Variants in GMPPB observed in about 807,000 individuals in gnomAD.
GMPPB encodes GDP-mannose pyrophosphorylase B.
GMPPB carries 38 observed loss-of-function variants against 40.3 expected under a neutral mutation model. The ratio of observed to expected loss-of-function variants is 0.94; its 90% CI spans 0.73 to 1.24. GMPPB has a LOEUF of 1.24. GMPPB is among the 50% of genes most tolerant of loss of function. GMPPB has a pLI of 0.00. For synonymous variants in GMPPB, 193 were observed against 191.8 expected (o/e 1.01, Z -0.05); for missense variants, 436 against 487.1 (o/e 0.90, Z 0.99).
At chr3:49,723,143 G>A in intron 3 of GMPPB, 29 bp from the exon 4 acceptor site, 1 of 1,613,470 alleles carries the variant, frequency 6.2e-7, no homozygotes. Context: ...TCACCACCTT[G>A]CTGGAGGTCT....
intron 6 of GMPPB, 32 bp downstream of exon 6, chr3:49,722,400 A>C (rs1281786902): frequency 6.2e-7 from 1 of 1,613,380 alleles, no homozygotes; most frequent in Non-Finnish European, 8.5e-7. Flanking sequence ...CCAGCCACAG[A>C]CCACCCCCAC....
rs770434747 is a variant in GMPPB at position 49,720,990 on chromosome 3, C to A, written c.*762G>T. The A allele has an allele frequency of 1.2e-6, 2 of 1,609,090 alleles. No individual in the cohort carries two copies. The highest frequency in any genetic ancestry group is 8.5e-7 in the Non-Finnish European group (1 of 1,176,116). On this transcript the variant is annotated 3_prime_UTR_variant, in exon 9 of 9. Transcript: ENST00000308388. ...CATCCACATAGCCAGGCATCCAACT[C>A]CAGCCCACCCTTCACTCTCCTCCCT...
At position 49,723,698 on chromosome 3, in the gene GMPPB, T is replaced by C. The variant is rs1254280503; in HGVS notation, c.29A>G (p.Tyr10Cys). 1.9e-6 allele frequency: 3 copies of C among 1,592,766 alleles called. No homozygotes were observed. The African/African-American group carries it at 4.0e-5, about 21-fold the overall frequency. Residue 10 changes from tyrosine to cysteine, a missense_variant, in exon 1 of 9, where the codon TAT becomes TGT. Transcript: ENST00000308388. MKALILVGG[Y>C]GTRLRPLTLS... ...CGTCAGCGGCCGTAGCCGCGTCCCA[T>C]AGCCCCCCACTAAGATCAGTGCCTT... is the stretch of plus-strand genomic sequence containing the variant.
At chr3:49,722,878 T>C (rs563660419) in intron 4 of GMPPB, 94 bp downstream of exon 4, 12 of 1,517,052 alleles carry the variant, frequency 7.9e-6, no homozygotes, top group Admixed American at 7.4e-5. Flanking sequence ...CAGCTCTGTA[T>C]CCATAACATC....
rs2080426368 is a variant in GMPPB at position 49,722,244 on chromosome 3, C to T, written c.755G>A (p.Gly252Asp). The change falls in exon 7 of 9, where the codon GGC becomes GAC. Residue 252 changes from glycine to aspartate, a missense_variant. By Grantham distance (94) the Gly-to-Asp change is moderately conservative. Transcript: ENST00000308388. ...ERLCSGPGIV[G>D]NVLVDPSARI... ...CAAGGGCCTCACCACCAGCACGTTG[C>T]CCACAATGCCAGGGCCTGAGCACAG... 6 of 1,613,388 alleles carry T rather than the reference C, an allele frequency of 3.7e-6. No homozygotes were observed. The East Asian group carries it at 1.3e-4, about 36-fold the overall frequency.
At chr3:49,721,940 C>T in intron 8 of GMPPB, 25 bp downstream of exon 8, 1 of 1,613,334 alleles carries the variant, frequency 6.2e-7, no homozygotes, top group Non-Finnish European at 8.5e-7. Context: ...CCCCTCTCCC[C>T]ACCCAGCCCA....
Position 49,720,405 on chromosome 3 carries a change from G to A in GMPPB, c.*1347C>T, listed in dbSNP as rs1030129981. On this transcript the variant is annotated 3_prime_UTR_variant, in exon 9 of 9. Transcript: ENST00000308388. ...AGCAGGGAGACGGAAAGGATGCAGGGGGGGTGATCATGTACGAGCCATGGC... is the reference window on the plus strand; with the variant it reads ...AGCAGGGAGACGGAAAGGATGCAGGAGGGGTGATCATGTACGAGCCATGGC... 19 of 1,158,964 alleles carry A rather than the reference G, an allele frequency of 1.6e-5. No homozygotes were observed. Among genetic ancestry groups the A allele is most frequent in the Non-Finnish European group, 2.2e-5 (19 of 857,016 alleles). 71.8% of individuals were successfully genotyped at this position (1,158,964 alleles called of 1,614,324 possible). A position where few individuals can be genotyped will look rare whatever the true frequency, so the allele number is the denominator to read the frequency against.
chr3:49,723,532 T>C, intron 1 of GMPPB, 60 bp from the exon 2 acceptor site: 17 of 1,611,190 alleles, frequency 1.1e-5, no homozygotes, highest in Non-Finnish European at 1.4e-5. Context: ...CCCTGACCCC[T>C]AGTCGCTGGC....
Position 49,721,476 on chromosome 3 carries a change from T to C in GMPPB, c.*276A>G, listed in dbSNP as rs1428263907. On this transcript the variant is annotated 3_prime_UTR_variant, in exon 9 of 9. Transcript: ENST00000308388. The stretch of plus-strand genomic sequence containing the variant: ...GCCCAGCCATGGCCCTAATTGTGCC[T>C]GAGCTTGACTTTCAGTCAGGGCCAC... 2 of 953,094 alleles carry C rather than the reference T, an allele frequency of 2.1e-6. No individual in the cohort carries two copies. Among genetic ancestry groups the C allele is most frequent in the East Asian group, 2.4e-5 (1 of 41,592 alleles). The allele number at this position is 953,094 out of a possible 1,614,324, so 59.0% of individuals were successfully genotyped here. A position where few individuals can be genotyped will look rare whatever the true frequency, so the allele number is the denominator to read the frequency against.
chr3:49,721,595 G>T lies in GMPPB; in HGVS notation c.*157C>A. 1.2e-6 allele frequency: 1 copy of T among 838,844 alleles called. No individual in the cohort carries two copies. Among genetic ancestry groups the T allele is most frequent in the Non-Finnish European group, 2.0e-6 (1 of 512,442 alleles). The allele number at this position is 838,844 out of a possible 1,614,324, so 52.0% of individuals were successfully genotyped here. On this transcript the variant is annotated 3_prime_UTR_variant, in exon 9 of 9. Transcript: ENST00000308388. ...GGTGTGCCCAGCAGGGATCCTGCCA[G>T]ATGATGTCCACATGAGAAGGCAGGT...
Position 49,720,903 on chromosome 3 carries a change from G to C in GMPPB, c.*849C>G, listed in dbSNP as rs369165447. The C allele has an allele frequency of 1.1e-5, 17 of 1,613,814 alleles. No individual in the cohort carries two copies. The African/African-American group carries it at 2.1e-4, about 20-fold the overall frequency. On this transcript the variant is annotated 3_prime_UTR_variant, in exon 9 of 9. Transcript: ENST00000308388. ...CAGCAGCTGCCTCCCTGGTGAGTGG[G>C]AACACGGTGCACAGGTCCATGCCAC...
rs748350135 is a variant in GMPPB, at chr3:49,723,591, G to T, written c.129+7C>A. 7.8e-5 allele frequency: 125 copies of T among 1,595,684 alleles called. No individual in the cohort carries two copies. Among genetic ancestry groups the T allele is most frequent in the Admixed American group, 1.9e-4 (11 of 58,620 alleles). On this transcript the variant is annotated splice_region_variant and intron_variant, in intron 1 of 8. Transcript: ENST00000308388. Reference sequence around the variant, plus strand: ...AACGCGACTCTGATCCCGACCCAGGGTCTTACCGCGGCTAGCGCCTCCACT... The same window carrying T: ...AACGCGACTCTGATCCCGACCCAGGTTCTTACCGCGGCTAGCGCCTCCACT...
chr3:49,723,244 C>T lies in GMPPB; in HGVS notation c.259+10G>A. 1.9e-6 allele frequency: 3 copies of T among 1,614,050 alleles called. No homozygotes were observed. Among genetic ancestry groups the T allele is most frequent in the Non-Finnish European group, 2.5e-6 (3 of 1,179,948 alleles). On this transcript the variant is annotated intron_variant, in intron 3 of 8. Transcript: ENST00000308388. Reference sequence around the variant, plus strand: ...ACCCTCCCCCAAGGGACCTTTCTGCCTCTACTGACCTGTCCCCAAAGGCTC... The same window carrying T: ...ACCCTCCCCCAAGGGACCTTTCTGCTTCTACTGACCTGTCCCCAAAGGCTC...
Position 49,722,989 on chromosome 3 carries a change from G to A in GMPPB, c.385C>T (p.Gln129Ter), listed in dbSNP as rs765388198. 6.2e-7 allele frequency: 1 copy of A among 1,613,694 alleles called. No homozygotes were observed. The highest frequency in any genetic ancestry group is 1.7e-5 in the Admixed American group (1 of 60,022). ...AMVQFHRHHG[Q>*]EGSILVTKVE... The stretch of plus-strand genomic sequence containing the variant: ...CGCCTTACCAGGATGGAGCCCTCCT[G>A]GCCATGGTGCCGGTGGAACTGCACC... Residue 129 changes from glutamine to a stop codon, truncating the protein, a stop_gained, in exon 4 of 9, where the codon CAG becomes TAG. Transcript: ENST00000308388. LOFTEE classifies it high-confidence loss of function.
At position 49,721,289 on chromosome 3, in the gene GMPPB, C is replaced by T; in HGVS notation, c.*463G>A. 6.2e-7 allele frequency: 1 copy of T among 1,614,208 alleles called. No homozygotes were observed. The highest frequency in any genetic ancestry group is 8.5e-7 in the Non-Finnish European group (1 of 1,180,034). ...GAGAAGGGAGCCAATACGAGTACTACCTCCTCAGCTGCCTAGCCCTCACAG... is the reference window on the plus strand; with the variant it reads ...GAGAAGGGAGCCAATACGAGTACTATCTCCTCAGCTGCCTAGCCCTCACAG... On this transcript the variant is annotated 3_prime_UTR_variant, in exon 9 of 9. Transcript: ENST00000308388.
Position 49,720,216 on chromosome 3 carries a change from T to C in GMPPB, c.*1536A>G. 9.1e-6 allele frequency: 2 copies of C among 219,768 alleles called. No homozygotes were observed. The highest frequency in any genetic ancestry group is 4.6e-5 in the African/African-American group (2 of 43,100). The allele number at this position is 219,768 out of a possible 1,614,324, so 13.6% of individuals were successfully genotyped here. On this transcript the variant is annotated 3_prime_UTR_variant, in exon 9 of 9. Coordinates refer to ENST00000308388, the MANE Select transcript of GMPPB (RefSeq NM_021971.4). ...CTGCAATTCCAGCTACTCGGGAGGC[T>C]AAAGCAGGAGAATCACTTGAACCCG...
At chr3:49,722,545 G>A in intron 5 of GMPPB, 35 bp from the exon 6 acceptor site, 1 of 1,613,558 alleles carries the variant, frequency 6.2e-7, no homozygotes, top group Non-Finnish European at 8.5e-7. Context: ...CAGGGTCATG[G>A]CGGTGATGGC....
In GMPPB at chr3:49,721,029, G is replaced by A. The variant is rs540925580; in HGVS notation, c.*723C>T. On this transcript the variant is annotated 3_prime_UTR_variant, in exon 9 of 9. Transcript: ENST00000308388. ...ACTCTCCTCCCTGCAGCCCACCAGT[G>A]AGGAGGACCTCTGCCCCATCTGCTA... 2 of 1,612,308 alleles carry A rather than the reference G, an allele frequency of 1.2e-6. 1 individual carries two copies. Among genetic ancestry groups the A allele is most frequent in the South Asian group, 2.2e-5 (2 of 90,918 alleles).
chr3:49,723,257 TC>T lies in GMPPB; in HGVS notation c.255del (p.Thr86GlnfsTer26). On this transcript the variant is annotated frameshift_variant, in exon 3 of 9. Coordinates refer to ENST00000308388, the MANE Select transcript of GMPPB (RefSeq NM_021971.4). LOFTEE classifies it high-confidence loss of function. ...ISMSHEEEPLGTAGPLALARD... is the reference protein window; with the variant it reads ...ISMSHEEEPLXTAGPLALARD... Reference sequence around the variant, plus strand: ...GGACCTTTCTGCCTCTACTGACCTGTCCCCAAAGGCTCCTCTTCATGGGACA... The same window carrying T: ...GGACCTTTCTGCCTCTACTGACCTGTCCCAAAGGCTCCTCTTCATGGGACA... The T allele has an allele frequency of 6.2e-7, 1 of 1,614,066 alleles. No individual in the cohort carries two copies. The highest frequency in any genetic ancestry group is 8.5e-7 in the Non-Finnish European group (1 of 1,180,010).
Sources: allele counts gnomAD v4.1 joint callset, GRCh38; gene constraint gnomAD v4.1.1; transcripts MANE v1.5; gene names NCBI Gene and HGNC (gene_info 2026-07-23, HGNC 2026-07-21).